Variants in CNTN6 observed in about 807,000 individuals in gnomAD.
The protein encoded by CNTN6 is contactin 6.
Under a neutral mutation model 122.8 loss-of-function variants are expected in CNTN6, and 137 were observed. The observed-to-expected ratio is 1.12, with a 90% CI of 0.97 to 1.29. The LOEUF is 1.29. CNTN6 is among the 50% of genes most tolerant of loss of function. The probability of loss-of-function intolerance (pLI) is 0.00; values close to 1 mark genes in which losing one functional copy is unlikely to be tolerated. For synonymous variants in CNTN6, 570 were observed against 426.0 expected, an observed-to-expected ratio of 1.34 and a Z score of -4.16; for missense variants, 1,634 against 1,223.4, an observed-to-expected ratio of 1.34 and a Z score of -5.01.
chr3:1,195,951 C>T lies in CNTN6; in HGVS notation c.56-24736C>T, dbSNP rs915198263. ...GAGCTAACACAAGGCTTGCACAAAA[C>T]TCAGCAGCAAGTAATTCCTTTCTTG... On this transcript the variant is annotated intron_variant, in intron 2 of 22. Coordinates refer to ENST00000446702, the MANE Select transcript of CNTN6 (RefSeq NM_001289080.2). 2.0e-5 allele frequency among the ~76,000 whole-genome samples: 3 copies of T among 151,412 alleles called. No homozygotes were observed. The South Asian group carries it at 6.4e-4, about 33-fold the overall frequency.
At chr3:1,226,408 G>T (rs1215721220) in intron 3 of CNTN6, among the ~76,000 whole-genome samples, 1 of 152,008 alleles carries the variant, frequency 6.6e-6, no homozygotes, top group Non-Finnish European at 1.5e-5. Flanking sequence ...TGGCACCTTG[G>T]CATTTGAGAA....
chr3:1,193,569 C>G (rs2093732635), intron 2 of CNTN6, among the ~76,000 whole-genome samples: 1 of 152,104 alleles, frequency 6.6e-6, no homozygotes, highest in African/African-American at 2.4e-5. Context: ...TATTATTTCT[C>G]TAGCGTTATT....
At chr3:1,380,573 C>A (rs1336686525) in intron 17 of CNTN6, among the ~76,000 whole-genome samples, 1 of 152,106 alleles carries the variant, frequency 6.6e-6, no homozygotes, top group African/African-American at 2.4e-5. Context: ...GTAAGAGATA[C>A]ATACCTACAC....
At chr3:1,117,784 C>T (rs1362840526) in intron 1 of CNTN6, among the ~76,000 whole-genome samples, 1 of 152,162 alleles carries the variant, frequency 6.6e-6, no homozygotes, top group East Asian at 1.9e-4. Flanking sequence ...TATTCCTGAA[C>T]TGATGAAGTA....
At chr3:1,392,075 C>T (rs1694235276) in intron 20 of CNTN6, among the ~76,000 whole-genome samples, 2 of 152,014 alleles carry the variant, frequency 1.3e-5, no homozygotes, top group Admixed American at 1.3e-4. Context: ...CATATGGAAC[C>T]AAAAAAGAGC....
intron 12 of CNTN6, among the ~76,000 whole-genome samples, chr3:1,362,351 T>C (rs2126107881): frequency 6.6e-6 from 1 of 151,992 alleles, no homozygotes; most frequent in East Asian, 1.9e-4. Context: ...TAGTAACAGG[T>C]CACAGCGATA....
intron 2 of CNTN6, among the ~76,000 whole-genome samples, chr3:1,188,135 G>C (rs2093654595): frequency 6.6e-6 from 1 of 152,104 alleles, no homozygotes; most frequent in Admixed American, 6.5e-5. Context: ...GTCAAGCAAT[G>C]CTTAATAGCA....
chr3:1,261,352 T>C, intron 4 of CNTN6, among the ~76,000 whole-genome samples: 1 of 152,056 alleles, frequency 6.6e-6, no homozygotes, highest in African/African-American at 2.4e-5. Context: ...AAGAATAAGG[T>C]AATTAATTGG....
intron 1 of CNTN6, among the ~76,000 whole-genome samples, chr3:1,129,714 TC>T (rs1030702749): frequency 2.5e-4 from 38 of 152,232 alleles, no homozygotes; most frequent in Admixed American, 1.9e-3. Context: ...ATCCAACACT[TC>T]CTACATGACA....
chr3:1,395,434 T>C (rs60869072), intron 20 of CNTN6, among the ~76,000 whole-genome samples: 2,927 of 152,196 alleles, frequency 0.019, 106 homozygotes, highest in African/African-American at 0.067. Context: ...AGACCACCCA[T>C]ATCCCTGGCT....
intron 20 of CNTN6, among the ~76,000 whole-genome samples, chr3:1,393,343 T>A (rs1398914601): frequency 9.4e-6 from 1 of 106,672 alleles, no homozygotes. Context: ...CACTCATAGG[T>A]GGGAATTGAA....
chr3:1,189,083 A>G (rs2093665921), intron 2 of CNTN6, among the ~76,000 whole-genome samples: 1 of 152,240 alleles, frequency 6.6e-6, no homozygotes, highest in African/African-American at 2.4e-5. Context: ...AAACAAGCTC[A>G]GCATGATTTG....
intron 2 of CNTN6, among the ~76,000 whole-genome samples, chr3:1,206,677 A>G (rs1044780565): frequency 1.3e-5 from 2 of 152,258 alleles, no homozygotes; most frequent in Admixed American, 6.5e-5. Context: ...ACTGTCTTCA[A>G]TTCCTCTCTT....
At chr3:1,246,359 ATTG>A (rs751108473) in intron 4 of CNTN6, among the ~76,000 whole-genome samples, 9 of 152,202 alleles carry the variant, frequency 5.9e-5, no homozygotes, top group African/African-American at 1.4e-4. Flanking sequence ...ATCCTTTTAT[ATTG>A]TTGTAGGTAG....
chr3:1,119,379 A>G (rs1042871379), intron 1 of CNTN6, among the ~76,000 whole-genome samples: 4 of 86,304 alleles, frequency 4.6e-5, no homozygotes, highest in African/African-American at 1.8e-4. Context: ...GCCCAGATAA[A>G]CTCTTCGAGC....
At position 1,401,433 on chromosome 3, in the gene CNTN6, CT is replaced by C. The variant is rs1695691820; in HGVS notation, c.2706del (p.Pro903GlnfsTer12). 1 of 1,610,188 alleles carries C rather than the reference CT, an allele frequency of 6.2e-7. No homozygotes were observed. Among genetic ancestry groups the C allele is most frequent in the African/African-American group, 1.3e-5 (1 of 74,714 alleles). ...TGGATCTTTGATTATCTCTTTAAAG[CT>C]CCAAGCCAACCACCAGCAAACATTG... The part of the protein sequence containing the change: ...PPVNVTTKKS[P>X]PSQPPANIAW... On this transcript the variant is annotated frameshift_variant and splice_region_variant, in exon 21 of 23. Transcript: ENST00000446702. LOFTEE classifies it high-confidence loss of function.
intron 12 of CNTN6, among the ~76,000 whole-genome samples, chr3:1,360,517 A>G (rs1337977894): frequency 6.6e-6 from 1 of 151,954 alleles, no homozygotes; most frequent in Non-Finnish European, 1.5e-5. Context: ...GTTTATGGTT[A>G]TATTCATCTA....
intron 11 of CNTN6, among the ~76,000 whole-genome samples, chr3:1,339,695 G>A (rs962745965): frequency 6.6e-6 from 1 of 152,046 alleles, no homozygotes; most frequent in Non-Finnish European, 1.5e-5. Flanking sequence ...TCCAGACTTG[G>A]TGTCATTTCA....
At chr3:1,148,804 A>T (rs2092777554) in intron 2 of CNTN6, among the ~76,000 whole-genome samples, 1 of 152,148 alleles carries the variant, frequency 6.6e-6, no homozygotes, top group Non-Finnish European at 1.5e-5. Context: ...TGCAACTTCG[A>T]TGAGCTGAGT....
Sources: allele counts gnomAD v4.1 joint callset (sites outside exome capture counted in the v4.1 genomes callset), GRCh38; gene constraint gnomAD v4.1.1; transcripts MANE v1.5; gene names NCBI Gene and HGNC (gene_info 2026-07-23, HGNC 2026-07-21).